Variants in CACNA2D3 observed in about 807,000 individuals in gnomAD.
CACNA2D3 encodes calcium voltage-gated channel auxiliary subunit alpha2delta 3.
CACNA2D3 carries 60 observed loss-of-function variants against 160.6 expected under a neutral mutation model. That is an observed-to-expected ratio of 0.37 (90% CI 0.30 to 0.46). CACNA2D3 has a LOEUF of 0.46. Among genes scored for constraint, CACNA2D3 ranks in the 20% least tolerant of loss-of-function variants. The pLI, the probability that CACNA2D3 is intolerant of heterozygous loss-of-function variation, is 1.00. For missense variants in CACNA2D3, 1,205 were observed against 1,365.0 expected, an observed-to-expected ratio of 0.88 and a Z score of 1.85; for synonymous variants, 558 against 492.9, an observed-to-expected ratio of 1.13 and a Z score of -1.75.
At chr3:54,492,599 CT>C (rs1398842274) in intron 4 of CACNA2D3, among the ~76,000 whole-genome samples, 2 of 152,190 alleles carry the variant, frequency 1.3e-5, no homozygotes, top group African/African-American at 4.8e-5. Flanking sequence ...GATTTTGACA[CT>C]TTCATTTGGT....
intron 27 of CACNA2D3, among the ~76,000 whole-genome samples, chr3:54,929,331 G>T (rs868706776): frequency 6.6e-6 from 1 of 152,202 alleles, no homozygotes; most frequent in Non-Finnish European, 1.5e-5. Flanking sequence ...TTCAGGATTT[G>T]TATGCTGCCA....
intron 16 of CACNA2D3, among the ~76,000 whole-genome samples, chr3:54,839,433 G>T (rs544268051): frequency 2.0e-5 from 3 of 152,146 alleles, no homozygotes; most frequent in Non-Finnish European, 4.4e-5. Context: ...GCATGAGCAT[G>T]TGCATGCCAG....
chr3:55,033,834 A>ATATTACATATTAAATATATTTAATATT (rs1553635422), intron 35 of CACNA2D3, among the ~76,000 whole-genome samples: 1 of 91,634 alleles, frequency 1.1e-5, no homozygotes, highest in Non-Finnish European at 2.0e-5. Flanking sequence ...TATTTAATAT[A>ATATTACATATTAAATATATTTAATATT]TAATATATAT....
rs1704099842 is a variant in CACNA2D3 at position 55,048,007 on chromosome 3, C to T, written c.2988-25438C>T. 1.3e-5 allele frequency among the ~76,000 whole-genome samples: 2 copies of T among 149,112 alleles called. 1 individual carries two copies. Among genetic ancestry groups the T allele is most frequent in the South Asian group, 4.4e-4 (2 of 4,514 alleles). ...AGCTTAAGGAGATTTTGGGCTGAGA[C>T]AATGGGGTTTTCTATATATACAATC... On this transcript the variant is annotated intron_variant, in intron 35 of 37. Coordinates refer to ENST00000474759, the MANE Select transcript of CACNA2D3 (RefSeq NM_018398.3).
intron 3 of CACNA2D3, among the ~76,000 whole-genome samples, chr3:54,324,485 A>C (rs1704078618): frequency 6.6e-6 from 1 of 152,172 alleles, no homozygotes; most frequent in Admixed American, 6.5e-5. Flanking sequence ...ATTTCCATTA[A>C]CATAATGGTG....
intron 11 of CACNA2D3, among the ~76,000 whole-genome samples, chr3:54,667,896 G>A (rs559665449): frequency 3.2e-4 from 48 of 151,336 alleles, no homozygotes; most frequent in African/African-American, 8.0e-4. Context: ...GCAGTGAGCC[G>A]TAATTACGTG....
At chr3:54,605,578 A>G (rs1313640122) in intron 9 of CACNA2D3, among the ~76,000 whole-genome samples, 1 of 152,116 alleles carries the variant, frequency 6.6e-6, no homozygotes, top group African/African-American at 2.4e-5. Flanking sequence ...CCCACCATAC[A>G]GAACACTTGT....
At chr3:54,603,558 C>T (rs531562128) in intron 9 of CACNA2D3, among the ~76,000 whole-genome samples, 10 of 152,270 alleles carry the variant, frequency 6.6e-5, no homozygotes, top group Admixed American at 3.9e-4. Context: ...GTTCCTGACC[C>T]GGGGAAGGCT....
chr3:54,853,197 C>T (rs977104117), intron 17 of CACNA2D3, among the ~76,000 whole-genome samples: 4 of 152,100 alleles, frequency 2.6e-5, no homozygotes, highest in African/African-American at 9.7e-5. Flanking sequence ...CATCACTCTC[C>T]ATCACATCCC....
At chr3:54,313,004 A>G (rs561115020) in intron 2 of CACNA2D3, among the ~76,000 whole-genome samples, 20 of 152,280 alleles carry the variant, frequency 1.3e-4, no homozygotes, top group Admixed American at 4.6e-4. Flanking sequence ...TGAAAACACA[A>G]TGCTTGCTAG....
At chr3:54,818,216 G>A (rs1486206382) in intron 14 of CACNA2D3, among the ~76,000 whole-genome samples, 2 of 152,206 alleles carry the variant, frequency 1.3e-5, no homozygotes, top group East Asian at 3.8e-4. Flanking sequence ...TTGAGACAGA[G>A]TCTCACTATG....
chr3:54,799,749 C>T (rs942017733), intron 13 of CACNA2D3, among the ~76,000 whole-genome samples: 2 of 152,014 alleles, frequency 1.3e-5, no homozygotes, highest in African/African-American at 4.8e-5. Flanking sequence ...ATTATTGACT[C>T]TCTGGGTTCT....
intron 5 of CACNA2D3, among the ~76,000 whole-genome samples, chr3:54,534,392 T>A (rs1701854326): frequency 6.6e-6 from 1 of 152,142 alleles, no homozygotes. Flanking sequence ...ATAGAAGAGC[T>A]TCCCTGCCCT....
In CACNA2D3 at chr3:54,678,458, C is replaced by T. The variant is rs1039346944; in HGVS notation, c.1167+36217C>T. On this transcript the variant is annotated intron_variant, in intron 11 of 37. Coordinates refer to ENST00000474759, the MANE Select transcript of CACNA2D3 (RefSeq NM_018398.3). The stretch of plus-strand genomic sequence containing the variant: ...AGATGACTGGCCGGGCGCGGTGGCT[C>T]ACGCCTGTAATCCCAGCATTTTGGG... Among the ~76,000 whole-genome samples, 16 of 152,218 alleles carry T rather than the reference C, an allele frequency of 1.1e-4. No homozygotes were observed. The East Asian group carries it at 3.1e-3, about 29-fold the overall frequency.
chr3:54,134,199 T>C (rs1699772771), intron 2 of CACNA2D3, among the ~76,000 whole-genome samples: 1 of 152,192 alleles, frequency 6.6e-6, no homozygotes, highest in African/African-American at 2.4e-5. Context: ...GTGAGTCTTG[T>C]TGCAGGGCCT....
At chr3:54,135,923 T>C (rs1305543130) in intron 2 of CACNA2D3, among the ~76,000 whole-genome samples, 1 of 152,158 alleles carries the variant, frequency 6.6e-6, no homozygotes, top group East Asian at 1.9e-4. Context: ...CCCGGGCCAG[T>C]GTATTGAGGC....
At chr3:54,928,146 G>C (rs148498829) in intron 27 of CACNA2D3, 1 of 535,830 alleles carries the variant, frequency 1.9e-6, no homozygotes, top group East Asian at 2.9e-5. Flanking sequence ...AGAGGATCTT[G>C]GGATCGTGCC....
At chr3:54,193,117 C>G (rs962923415) in intron 2 of CACNA2D3, among the ~76,000 whole-genome samples, 1 of 152,148 alleles carries the variant, frequency 6.6e-6, no homozygotes, top group Non-Finnish European at 1.5e-5. Context: ...CTTTTGTTAT[C>G]GAACCCCTTT....
chr3:55,060,024 G>A, intron 35 of CACNA2D3, among the ~76,000 whole-genome samples: 1 of 151,982 alleles, frequency 6.6e-6, no homozygotes, highest in East Asian at 1.9e-4. Context: ...GGCAATATTT[G>A]GGTGCAAAAA....
Sources: allele counts gnomAD v4.1 joint callset (sites outside exome capture counted in the v4.1 genomes callset), GRCh38; gene constraint gnomAD v4.1.1; transcripts MANE v1.5; gene names NCBI Gene and HGNC (gene_info 2026-07-23, HGNC 2026-07-21).